Variants in GPBP1 observed in about 807,000 individuals in gnomAD.
GPBP1 encodes the protein vasculin.
In GPBP1, 13 loss-of-function variants were observed where a neutral mutation model predicts 56.5. The observed-to-expected ratio is 0.23, with a 90% CI of 0.15 to 0.37. The LOEUF is 0.37. Ranked by LOEUF, GPBP1 falls within the 10% of genes least tolerant of loss-of-function variation. The pLI is 1.00. For missense variants in GPBP1, 477 were observed against 572.3 expected, an observed-to-expected ratio of 0.83 and a Z score of 1.70; for synonymous variants, 204 against 188.9, an observed-to-expected ratio of 1.08 and a Z score of -0.66.
At chr5:57,205,173 T>G (rs182813006) in intron 2 of GPBP1, among the ~76,000 whole-genome samples, 2 of 152,230 alleles carry the variant, frequency 1.3e-5, no homozygotes, top group Admixed American at 6.5e-5. Flanking sequence ...TTACCTCTTA[T>G]GAATACCTCT....
chr5:57,232,406 A>C (rs957507756), intron 5 of GPBP1, among the ~76,000 whole-genome samples: 14 of 152,248 alleles, frequency 9.2e-5, no homozygotes, highest in African/African-American at 3.1e-4. Context: ...GTAATAAAGA[A>C]ATCAACGTAC....
At chr5:57,185,702 T>TA (rs960818021) in intron 2 of GPBP1, among the ~76,000 whole-genome samples, 30 of 149,414 alleles carry the variant, frequency 2.0e-4, no homozygotes, top group Middle Eastern at 3.5e-3. Flanking sequence ...TTTGCCTGTT[T>TA]AAAAAAAAAA....
At chr5:57,198,393 A>C (rs897165466) in intron 2 of GPBP1, among the ~76,000 whole-genome samples, 2 of 151,968 alleles carry the variant, frequency 1.3e-5, no homozygotes, top group Non-Finnish European at 2.9e-5. Context: ...TTTTAATAGG[A>C]TCTTTGAAGT....
chr5:57,222,402 GT>G (rs1159652197), intron 3 of GPBP1, among the ~76,000 whole-genome samples: 3 of 151,938 alleles, frequency 2.0e-5, no homozygotes, highest in African/African-American at 4.8e-5. Context: ...AGTTTAATAA[GT>G]TTTTTTTCTT....
At chr5:57,234,192 A>T (rs1405259490) in intron 5 of GPBP1, among the ~76,000 whole-genome samples, 11 of 152,172 alleles carry the variant, frequency 7.2e-5, no homozygotes, top group African/African-American at 2.7e-4. Flanking sequence ...TTTATATTAA[A>T]ATTGATTTTA....
At chr5:57,178,679 G>T (rs2087597474) in intron 2 of GPBP1, among the ~76,000 whole-genome samples, 1 of 152,182 alleles carries the variant, frequency 6.6e-6, no homozygotes, top group South Asian at 2.1e-4. Context: ...TGTCAACTTT[G>T]CGTACAGCAG....
chr5:57,211,833 A>G (rs181708054), intron 2 of GPBP1, among the ~76,000 whole-genome samples: 3 of 151,382 alleles, frequency 2.0e-5, no homozygotes, highest in East Asian at 2.0e-4. Flanking sequence ...CGGCCTCCCA[A>G]AGTGCTGGGA....
At chr5:57,223,811 A>G (rs1409680265) in intron 3 of GPBP1, among the ~76,000 whole-genome samples, 1 of 149,194 alleles carries the variant, frequency 6.7e-6, no homozygotes, top group Non-Finnish European at 1.5e-5. Flanking sequence ...TATAATTTTA[A>G]AAAATATATA....
At position 57,230,784 on chromosome 5, in the gene GPBP1, T is replaced by C. The variant is rs1756419086; in HGVS notation, c.64-62T>C. The C allele has an allele frequency of 5.6e-5, 77 of 1,380,648 alleles. 1 individual carries two copies. The South Asian group carries it at 9.4e-4, about 17-fold the overall frequency. 85.5% of individuals were successfully genotyped at this position (1,380,648 alleles called of 1,614,324 possible). On this transcript the variant is annotated intron_variant, in intron 3 of 11. Transcript: ENST00000506184. ...TTGGAAATAAGTGAAGTTGGAGTAT[T>C]ACTAGTTTTTAAAGTTATATTTAGG... is the stretch of plus-strand genomic sequence containing the variant.
chr5:57,229,613 T>C (rs1440226131), intron 3 of GPBP1, among the ~76,000 whole-genome samples: 2 of 152,038 alleles, frequency 1.3e-5, no homozygotes, highest in Non-Finnish European at 2.9e-5. Context: ...TCACTGCAAC[T>C]GCAACCTGCC....
intron 10 of GPBP1, among the ~76,000 whole-genome samples, chr5:57,252,425 C>T (rs1741440285): frequency 2.0e-5 from 3 of 152,050 alleles, no homozygotes; most frequent in Non-Finnish European, 4.4e-5. Flanking sequence ...GTGTCTCACT[C>T]TGTCACCCAG....
At chr5:57,219,085 G>A (rs963387413) in intron 3 of GPBP1, among the ~76,000 whole-genome samples, 2 of 151,938 alleles carry the variant, frequency 1.3e-5, no homozygotes, top group Non-Finnish European at 2.9e-5. Context: ...CTGTAAAAAA[G>A]GGATTTGAGG....
chr5:57,218,350 C>T (rs1755788336), intron 3 of GPBP1, among the ~76,000 whole-genome samples: 1 of 152,202 alleles, frequency 6.6e-6, no homozygotes, highest in Admixed American at 6.5e-5. Flanking sequence ...CAACCACCCC[C>T]ATTGGGTCTG....
chr5:57,184,440 T>C (rs560135032), intron 2 of GPBP1, among the ~76,000 whole-genome samples: 1 of 152,070 alleles, frequency 6.6e-6, no homozygotes, highest in East Asian at 1.9e-4. Context: ...AATAATGGCA[T>C]AACTGGAGCA....
chr5:57,235,000 A>G (rs1756604564), intron 5 of GPBP1, among the ~76,000 whole-genome samples: 1 of 149,872 alleles, frequency 6.7e-6, no homozygotes. Flanking sequence ...TGCTATAATG[A>G]AAAAAAAAAT....
intron 10 of GPBP1, among the ~76,000 whole-genome samples, chr5:57,258,610 T>G (rs1273499536): frequency 1.3e-5 from 2 of 152,176 alleles, no homozygotes; most frequent in Non-Finnish European, 1.5e-5. Flanking sequence ...TTTGTATGTT[T>G]AGGGGGGAAA....
At chr5:57,182,292 C>G (rs1754084424) in intron 2 of GPBP1, among the ~76,000 whole-genome samples, 1 of 152,026 alleles carries the variant, frequency 6.6e-6, no homozygotes. Context: ...CCATGTTGAC[C>G]AGGCTGGTCT....
intron 2 of GPBP1, among the ~76,000 whole-genome samples, chr5:57,179,200 T>G (rs1753929844): frequency 6.6e-6 from 1 of 152,260 alleles, no homozygotes; most frequent in Admixed American, 6.5e-5. Context: ...TTGAACATTA[T>G]CTTTGATATT....
intron 2 of GPBP1, among the ~76,000 whole-genome samples, chr5:57,191,834 A>G (rs556342113): frequency 5.6e-4 from 86 of 152,348 alleles, no homozygotes; most frequent in African/African-American, 1.6e-3. Context: ...TGCTGGGATT[A>G]CAGGCGTGAG....
Sources: allele counts gnomAD v4.1 joint callset (sites outside exome capture counted in the v4.1 genomes callset), GRCh38; gene constraint gnomAD v4.1.1; transcripts MANE v1.5; gene names NCBI Gene and HGNC (gene_info 2026-07-23, HGNC 2026-07-21).